Variants in SLAIN2 observed in about 807,000 individuals in gnomAD.
The protein encoded by SLAIN2 is SLAIN motif-containing protein 2.
A neutral mutation model predicts 56.6 loss-of-function variants in SLAIN2; 31 were observed. The ratio of observed to expected loss-of-function variants is 0.55; its 90% CI spans 0.41 to 0.74. The LOEUF is 0.74. SLAIN2 is among the 30% of genes least tolerant of loss of function. SLAIN2 has a pLI of 0.00. For missense variants in SLAIN2, 777 were observed against 754.2 expected, an observed-to-expected ratio of 1.03 and a Z score of -0.35; for synonymous variants, 317 against 284.9, an observed-to-expected ratio of 1.11 and a Z score of -1.13.
At chr4:48,350,585 A>G (rs1714984735) in intron 1 of SLAIN2, among the ~76,000 whole-genome samples, 2 of 152,180 alleles carry the variant, frequency 1.3e-5, no homozygotes, top group Non-Finnish European at 2.9e-5. Context: ...GCAAAAATGA[A>G]TTTGTAAAAT....
Position 48,425,033 on chromosome 4 carries a change from TTTAA to T in SLAIN2, c.*2962_*2965del, listed in dbSNP as rs1031460127. On this transcript the variant is annotated 3_prime_UTR_variant, in exon 8 of 8. Transcript: ENST00000264313. ...TTATTAAATTTATATTCTTTAAGTG[TTTAA>T]TTAATCTCTGGATATGGTAAGATTC... 2.0e-5 allele frequency: 3 copies of T among 152,274 alleles called. No individual in the cohort carries two copies. The highest frequency in any genetic ancestry group is 1.9e-4 in the East Asian group (1 of 5,186). 9.4% of individuals were successfully genotyped at this position (152,274 alleles called of 1,614,324 possible).
In SLAIN2 at chr4:48,422,633, A is replaced by G. The variant is rs767447251; in HGVS notation, c.*556A>G. 6.6e-6 allele frequency: 1 copy of G among 152,282 alleles called. No homozygotes were observed. Among genetic ancestry groups the G allele is most frequent in the Non-Finnish European group, 1.5e-5 (1 of 68,076 alleles). 9.4% of individuals were successfully genotyped at this position (152,282 alleles called of 1,614,324 possible). On this transcript the variant is annotated 3_prime_UTR_variant, in exon 8 of 8. Coordinates refer to ENST00000264313, the MANE Select transcript of SLAIN2 (RefSeq NM_020846.2). Reference sequence around the variant, plus strand: ...AGAAACCTGGGCTAGAGATTAAAACATTCCTAAATTTAGCAGAATTTCAGA... The same window carrying G: ...AGAAACCTGGGCTAGAGATTAAAACGTTCCTAAATTTAGCAGAATTTCAGA...
chr4:48,379,484 G>A (rs1253108228), intron 3 of SLAIN2, among the ~76,000 whole-genome samples: 1 of 152,036 alleles, frequency 6.6e-6, no homozygotes, highest in African/African-American at 2.4e-5. Context: ...ATGAAAATAT[G>A]TTTATGCCAT....
At chr4:48,351,220 A>G (rs532033085) in intron 1 of SLAIN2, among the ~76,000 whole-genome samples, 5 of 152,246 alleles carry the variant, frequency 3.3e-5, no homozygotes, top group Admixed American at 6.5e-5. Context: ...CTTGACTCCA[A>G]TAAGCTTGAG....
chr4:48,373,569 T>C (rs1306015534), intron 2 of SLAIN2, among the ~76,000 whole-genome samples: 2 of 152,126 alleles, frequency 1.3e-5, no homozygotes, highest in Non-Finnish European at 2.9e-5. Context: ...ATGAACACTG[T>C]ACTGGCACTT....
chr4:48,420,297 A>G lies in SLAIN2; in HGVS notation c.1533A>G (p.Ser511=). The G allele has an allele frequency of 4.3e-6, 7 of 1,613,944 alleles. No individual in the cohort carries two copies. Among genetic ancestry groups the G allele is most frequent in the Non-Finnish European group, 5.9e-6 (7 of 1,179,862 alleles). Residue 511 remains serine, a synonymous_variant, in exon 7 of 8, where the codon TCA becomes TCG. Transcript: ENST00000264313. ...PGPPMVQSTV[S]ANPPSNINSA... The stretch of plus-strand genomic sequence containing the variant: ...CTCCTATGGTTCAGAGCACAGTCTC[A>G]GCAAATCCTCCCAGCAATATCAACA...
At chr4:48,401,251 G>T (rs1716546531) in intron 6 of SLAIN2, among the ~76,000 whole-genome samples, 1 of 152,164 alleles carries the variant, frequency 6.6e-6, no homozygotes. Context: ...CGTATATTCT[G>T]TTGTTTTTGT....
intron 5 of SLAIN2, among the ~76,000 whole-genome samples, 156 bp from the exon 6 acceptor site, chr4:48,383,491 T>A (rs551141300): frequency 7.0e-4 from 106 of 152,296 alleles, no homozygotes; most frequent in Non-Finnish European, 1.9e-4. Context: ...CTAGATCGAG[T>A]TGTTTGTTTT....
chr4:48,351,031 A>G (rs965913416), intron 1 of SLAIN2, among the ~76,000 whole-genome samples: 9 of 152,230 alleles, frequency 5.9e-5, no homozygotes, highest in Non-Finnish European at 8.8e-5. Context: ...CCACTTCTGC[A>G]GTGTACTAGA....
At chr4:48,391,023 G>A (rs1468543688) in intron 6 of SLAIN2, among the ~76,000 whole-genome samples, 1 of 152,080 alleles carries the variant, frequency 6.6e-6, no homozygotes, top group Non-Finnish European at 1.5e-5. Context: ...TGTTTTTGAA[G>A]GATCAAGTCT....
chr4:48,390,127 G>C (rs1716199833), intron 6 of SLAIN2, among the ~76,000 whole-genome samples: 1 of 148,352 alleles, frequency 6.7e-6, no homozygotes, highest in Non-Finnish European at 1.5e-5. Context: ...AGGCTGGAGC[G>C]GCGGTGGCGT....
intron 1 of SLAIN2, among the ~76,000 whole-genome samples, chr4:48,353,359 A>G (rs762412536): frequency 2.1e-4 from 32 of 152,282 alleles, no homozygotes; most frequent in African/African-American, 5.3e-4. Context: ...AGCACTATCT[A>G]TCATGGTAAG....
At chr4:48,373,206 G>A (rs996102018) in intron 2 of SLAIN2, among the ~76,000 whole-genome samples, 10 of 152,142 alleles carry the variant, frequency 6.6e-5, no homozygotes, top group Admixed American at 5.9e-4. Flanking sequence ...GTGGCATTAA[G>A]TACATTCACG....
chr4:48,352,046 C>T (rs1715025607), intron 1 of SLAIN2, among the ~76,000 whole-genome samples: 1 of 152,162 alleles, frequency 6.6e-6, no homozygotes, highest in South Asian at 2.1e-4. Context: ...AAAGCTGAAT[C>T]ATTGGGTTGG....
At chr4:48,406,007 T>C (rs188599710) in intron 6 of SLAIN2, among the ~76,000 whole-genome samples, 92 of 152,358 alleles carry the variant, frequency 6.0e-4, no homozygotes, top group Admixed American at 1.8e-3. Context: ...TAGATGTTTT[T>C]CCAACTTTGC....
intron 6 of SLAIN2, chr4:48,394,673 CA>C (rs1390239827): frequency 9.8e-6 from 15 of 1,531,324 alleles, no homozygotes; most frequent in African/African-American, 1.4e-5. Context: ...GCCTCTTACT[CA>C]GTTTAAAATT....
Position 48,342,140 on chromosome 4 carries a change from G to A in SLAIN2, c.389+12G>A, listed in dbSNP as rs1210914305. On this transcript the variant is annotated intron_variant, in intron 1 of 7. Coordinates refer to ENST00000264313, the MANE Select transcript of SLAIN2 (RefSeq NM_020846.2). ...GAGGAGGAGAGCTGGTGAGCGCGAG[G>A]CGCCGGGCAGGAGCTGGGCGGGGAC... is the stretch of plus-strand genomic sequence containing the variant. 7 of 1,340,346 alleles carry A rather than the reference G, an allele frequency of 5.2e-6. No individual in the cohort carries two copies. Among genetic ancestry groups the A allele is most frequent in the Non-Finnish European group, 6.7e-6 (7 of 1,051,482 alleles). The allele number at this position is 1,340,346 out of a possible 1,614,324, so 83.0% of individuals were successfully genotyped here. A position where few individuals can be genotyped will look rare whatever the true frequency, so the allele number is the denominator to read the frequency against.
Position 48,341,997 on chromosome 4 carries a change from G to C in SLAIN2, c.258G>C (p.Thr86=). 1 of 1,425,048 alleles carries C rather than the reference G, an allele frequency of 7.0e-7. No individual in the cohort carries two copies. Among genetic ancestry groups the C allele is most frequent in the Non-Finnish European group, 9.1e-7 (1 of 1,094,356 alleles). The allele number at this position is 1,425,048 out of a possible 1,614,324, so 88.3% of individuals were successfully genotyped here. ...GGCCCGGGTCGGGCCCGAGGCGGAC[G>C]AGTAGCGAAGAGCTGCGGGACGCCA... ...GGGPGSGPRR[T]SSEELRDATS... Residue 86 remains threonine, a synonymous_variant, in exon 1 of 8, where the codon ACG becomes ACC. Transcript: ENST00000264313.
chr4:48,347,780 C>T (rs904220222), intron 1 of SLAIN2, among the ~76,000 whole-genome samples: 8 of 152,172 alleles, frequency 5.3e-5, no homozygotes, highest in Non-Finnish European at 8.8e-5. Flanking sequence ...TTTCCATGGA[C>T]GCCAGCCCCT....
Sources: allele counts gnomAD v4.1 joint callset (sites outside exome capture counted in the v4.1 genomes callset), GRCh38; gene constraint gnomAD v4.1.1; transcripts MANE v1.5; gene names NCBI Gene and HGNC (gene_info 2026-07-23, HGNC 2026-07-21).